The following RGL1 variants were observed in gnomAD, a reference collection of about 807,000 sequenced individuals.
RGL1 encodes ral guanine nucleotide dissociation stimulator-like 1.
RGL1 carries 24 observed loss-of-function variants against 95.2 expected under a neutral mutation model. That is an observed-to-expected ratio of 0.25 (90% CI 0.18 to 0.35). The LOEUF (loss-of-function observed/expected upper bound fraction) is 0.35, where lower values mean the gene tolerates loss of function less well. Ranked by LOEUF, RGL1 falls within the 10% of genes least tolerant of loss-of-function variation. RGL1 has a pLI of 1.00. For synonymous variants in RGL1, 329 were observed against 344.9 expected (o/e 0.95, Z 0.51); for missense variants, 715 against 936.3 (o/e 0.76, Z 3.08).
intron 11 of RGL1, among the ~76,000 whole-genome samples, chr1:183,901,412 G>T (rs975336884): frequency 2.6e-5 from 4 of 152,064 alleles, no homozygotes; most frequent in African/African-American, 9.7e-5. Flanking sequence ...ACTTGAGCTC[G>T]GGAGGCAGAG....
intron 2 of RGL1, among the ~76,000 whole-genome samples, chr1:183,755,579 A>G (rs1471428526): frequency 1.3e-5 from 2 of 152,122 alleles, no homozygotes; most frequent in Non-Finnish European, 2.9e-5. Flanking sequence ...GATGTGTTCA[A>G]TTTTTTGATT....
At chr1:183,779,049 G>A (rs1438562115) in intron 2 of RGL1, among the ~76,000 whole-genome samples, 1 of 152,146 alleles carries the variant, frequency 6.6e-6, no homozygotes, top group Non-Finnish European at 1.5e-5. Context: ...GAAAGAAGGG[G>A]AAACTTCCTC....
chr1:183,887,955 G>A (rs959576460), intron 7 of RGL1, among the ~76,000 whole-genome samples: 8 of 152,250 alleles, frequency 5.3e-5, no homozygotes, highest in South Asian at 2.1e-4. Flanking sequence ...TCCCCCCTTG[G>A]CTAAGAGCAT....
intron 1 of RGL1, among the ~76,000 whole-genome samples, chr1:183,718,233 C>CAA (rs34825782): frequency 1.7e-5 from 2 of 114,816 alleles, no homozygotes; most frequent in African/African-American, 3.6e-5. Flanking sequence ...GACTTGGTCT[C>CAA]AAAAAAAAAA....
chr1:183,873,676 G>A (rs1018745103), intron 4 of RGL1, among the ~76,000 whole-genome samples: 4 of 152,186 alleles, frequency 2.6e-5, no homozygotes, highest in African/African-American at 9.7e-5. Context: ...TGTGACTAAT[G>A]TTTTAGATTG....
chr1:183,899,593 TG>T (rs141244861), intron 10 of RGL1, among the ~76,000 whole-genome samples: 96 of 152,350 alleles, frequency 6.3e-4, no homozygotes, highest in African/African-American at 2.3e-3. Flanking sequence ...ATGTTGATGG[TG>T]ACACGAATGA....
Position 183,773,731 on chromosome 1 carries a change from C to T in RGL1, c.132+31442C>T, listed in dbSNP as rs150539455. On this transcript the variant is annotated intron_variant, in intron 2 of 18. Coordinates refer to the RGL1 transcript ENST00000304685. ...CTGATTTACCCTTGTGGTCAGGTCA[C>T]GCTTCCAAACTAACTCATTGTTGCC... Among the ~76,000 whole-genome samples, 15 of 152,314 alleles carry T rather than the reference C, an allele frequency of 9.8e-5. No individual in the cohort carries two copies. The East Asian group carries it at 1.5e-3, about 16-fold the overall frequency.
intron 2 of RGL1, among the ~76,000 whole-genome samples, chr1:183,776,395 G>T (rs12136408): frequency 5.3e-5 from 8 of 151,112 alleles, no homozygotes; most frequent in Admixed American, 5.3e-4. Flanking sequence ...TGATCCGCCC[G>T]CCTCGGCCTC....
At chr1:183,636,701 T>G (rs1243460197) in intron 1 of RGL1, among the ~76,000 whole-genome samples, 1 of 152,132 alleles carries the variant, frequency 6.6e-6, no homozygotes, top group Non-Finnish European at 1.5e-5. Flanking sequence ...GTGGAAGGAT[T>G]GGTGGAAACC....
intron 1 of RGL1, among the ~76,000 whole-genome samples, chr1:183,739,185 G>A (rs1558181419): frequency 6.6e-6 from 1 of 152,196 alleles, no homozygotes; most frequent in Admixed American, 6.5e-5. Context: ...AAAGGAAAAG[G>A]AATGATCCAT....
intron 2 of RGL1, among the ~76,000 whole-genome samples, chr1:183,774,865 C>T (rs761912820): frequency 5.3e-5 from 8 of 152,080 alleles, no homozygotes; most frequent in East Asian, 1.9e-4. Flanking sequence ...TGAGCCACCA[C>T]GCCTGGCCTA....
At chr1:183,711,788 G>C (rs900661667) in intron 1 of RGL1, among the ~76,000 whole-genome samples, 14 of 152,084 alleles carry the variant, frequency 9.2e-5, no homozygotes, top group Non-Finnish European at 1.5e-4. Flanking sequence ...CGCTGGGAAT[G>C]GGGTGTGGGG....
intron 2 of RGL1, among the ~76,000 whole-genome samples, chr1:183,789,432 G>A (rs375127127): frequency 1.1e-4 from 17 of 152,196 alleles, no homozygotes; most frequent in African/African-American, 3.6e-4. Flanking sequence ...CCTGGGCAAC[G>A]AGTGAAACTC....
At chr1:183,670,744 G>A (rs1174675) in intron 1 of RGL1, among the ~76,000 whole-genome samples, 2 of 152,052 alleles carry the variant, frequency 1.3e-5, no homozygotes, top group African/African-American at 2.4e-5. Context: ...CAGTTTTTAC[G>A]TGATGTTAGG....
chr1:183,641,882 T>C (rs1649949842), intron 1 of RGL1, among the ~76,000 whole-genome samples: 1 of 152,252 alleles, frequency 6.6e-6, no homozygotes, highest in African/African-American at 2.4e-5. Context: ...TTAGAATTTA[T>C]GGTTTTTAGA....
At chr1:183,744,919 A>G (rs181922080) in intron 2 of RGL1, among the ~76,000 whole-genome samples, 1 of 152,280 alleles carries the variant, frequency 6.6e-6, no homozygotes, top group African/African-American at 2.4e-5. Flanking sequence ...CTGAGTTGTA[A>G]AGTATGAATA....
At chr1:183,841,283 T>C (rs955709020) in intron 2 of RGL1, among the ~76,000 whole-genome samples, 2 of 152,218 alleles carry the variant, frequency 1.3e-5, no homozygotes, top group Non-Finnish European at 2.9e-5. Flanking sequence ...TAGGTTTTTT[T>C]AGTATGCATA....
intron 4 of RGL1, among the ~76,000 whole-genome samples, chr1:183,871,260 A>G (rs962569015): frequency 1.3e-5 from 2 of 152,214 alleles, no homozygotes; most frequent in Admixed American, 6.5e-5. Context: ...GTTATTAGTC[A>G]TGACATCACA....
intron 3 of RGL1, among the ~76,000 whole-genome samples, chr1:183,858,870 A>G (rs1035774828): frequency 6.6e-6 from 1 of 152,218 alleles, no homozygotes; most frequent in Non-Finnish European, 1.5e-5. Context: ...TTGAAAATGA[A>G]AGGATGCCAT....
Sources: allele counts gnomAD v4.1 joint callset (sites outside exome capture counted in the v4.1 genomes callset), GRCh38; gene constraint gnomAD v4.1.1; transcripts MANE v1.5; gene names NCBI Gene and HGNC (gene_info 2026-07-23, HGNC 2026-07-21).